The following UCHL5 variants were observed in gnomAD, a reference collection of about 807,000 sequenced individuals.
The protein encoded by UCHL5 is ubiquitin C-terminal hydrolase L5.
In UCHL5, 34 loss-of-function variants were observed where a neutral mutation model predicts 53.8. The ratio of observed to expected loss-of-function variants is 0.63; its 90% CI spans 0.48 to 0.84. The LOEUF (loss-of-function observed/expected upper bound fraction) is 0.84, where lower values mean the gene tolerates loss of function less well. Among genes scored for constraint, UCHL5 ranks in the 40% least tolerant of loss-of-function variants. The pLI is 0.00. For synonymous variants in UCHL5, 111 were observed against 126.3 expected (o/e 0.88, Z 0.81); for missense variants, 290 against 385.6 (o/e 0.75, Z 2.08).
intron 3 of UCHL5, among the ~76,000 whole-genome samples, chr1:193,039,565 A>G (rs1046464260): frequency 6.6e-6 from 1 of 152,338 alleles, no homozygotes; most frequent in East Asian, 1.9e-4. Context: ...TAAAATGACA[A>G]TTCTACTGAA....
intron 2 of UCHL5, among the ~76,000 whole-genome samples, chr1:193,050,620 C>A (rs1447673921): frequency 6.6e-6 from 1 of 152,070 alleles, no homozygotes; most frequent in Non-Finnish European, 1.5e-5. Context: ...GTGAAGCGTG[C>A]CTGTAATCCC....
chr1:193,042,936 G>A (rs1381468579), intron 3 of UCHL5, among the ~76,000 whole-genome samples: 1 of 151,884 alleles, frequency 6.6e-6, no homozygotes, highest in East Asian at 1.9e-4. Context: ...TCAAATGACT[G>A]AGTTTTGGCC....
intron 2 of UCHL5, among the ~76,000 whole-genome samples, 187 bp downstream of exon 2, chr1:193,051,567 T>C (rs940928667): frequency 6.6e-6 from 1 of 151,190 alleles, no homozygotes; most frequent in African/African-American, 2.4e-5. Flanking sequence ...AAGTTACCTA[T>C]CAGCCTCAGG....
At chr1:193,045,569 G>A (rs746331337) in intron 3 of UCHL5, among the ~76,000 whole-genome samples, 8 of 152,156 alleles carry the variant, frequency 5.3e-5, no homozygotes, top group African/African-American at 1.7e-4. Context: ...CCAAGAAGCC[G>A]AGCAGATGCC....
intron 3 of UCHL5, among the ~76,000 whole-genome samples, chr1:193,043,384 G>C (rs1571811657): frequency 6.6e-6 from 1 of 152,026 alleles, no homozygotes; most frequent in Non-Finnish European, 1.5e-5. Flanking sequence ...GAATGATCCT[G>C]AACCTCTCTC....
At chr1:193,044,669 C>T (rs977662919) in intron 3 of UCHL5, among the ~76,000 whole-genome samples, 1 of 152,000 alleles carries the variant, frequency 6.6e-6, no homozygotes, top group Non-Finnish European at 1.5e-5. Context: ...ATAACCTTAT[C>T]AAATAAATAT....
intron 3 of UCHL5, among the ~76,000 whole-genome samples, chr1:193,041,788 C>A (rs1175786955): frequency 7.9e-5 from 12 of 152,050 alleles, no homozygotes; most frequent in Non-Finnish European, 1.5e-4. Flanking sequence ...AATGAACTAT[C>A]ATAATAAACT....
intron 1 of UCHL5, among the ~76,000 whole-genome samples, chr1:193,058,683 A>C (rs549345747): frequency 2.0e-5 from 3 of 152,354 alleles, no homozygotes; most frequent in Non-Finnish European, 1.5e-5. Context: ...CTATTCACAC[A>C]TTCAAGGCGT....
intron 3 of UCHL5, among the ~76,000 whole-genome samples, chr1:193,045,226 T>A (rs1666969718): frequency 6.6e-6 from 1 of 152,122 alleles, no homozygotes; most frequent in Admixed American, 6.5e-5. Flanking sequence ...AAAAACAAAA[T>A]CCCTAACTCC....
intron 10 of UCHL5, among the ~76,000 whole-genome samples, chr1:193,017,393 C>T (rs1655229314): frequency 6.6e-6 from 1 of 151,578 alleles, no homozygotes; most frequent in Non-Finnish European, 1.5e-5. Flanking sequence ...TATTATTTAA[C>T]AGTATGATAA....
At chr1:193,059,942 T>C, upstream of UCHL5, 3 of 1,366,366 alleles carry the variant, frequency 2.2e-6, no homozygotes, top group Non-Finnish European at 2.9e-6. The surrounding 1 kb of genome is among the most constrained non-coding windows in gnomAD (Gnocchi z 4.9). Flanking sequence ...CTGTCCACCC[T>C]GGGTAACGGA....
Position 193,045,850 on chromosome 1 carries a change from A to G in UCHL5, c.246+3896T>C, listed in dbSNP as rs549490033. On this transcript the variant is annotated intron_variant, in intron 3 of 10. Transcript: ENST00000367454. ...TGGCATATATGCTTATATACATTGA[A>G]AAAATAAAAACATTTTTAAAAAGGA... Among the ~76,000 whole-genome samples the G allele has an allele frequency of 7.2e-5, 11 of 152,364 alleles. No homozygotes were observed. In the East Asian group the frequency reaches 2.1e-3, roughly 29 times the overall value.
At chr1:193,042,005 G>A (rs537477158) in intron 3 of UCHL5, among the ~76,000 whole-genome samples, 276 of 151,754 alleles carry the variant, frequency 1.8e-3, no homozygotes, top group African/African-American at 6.5e-3. Flanking sequence ...TGCATCTGTA[G>A]TCCCAGCTAC....
rs769696158 is a variant in UCHL5 at position 193,022,961 on chromosome 1, T to G, written c.808A>C (p.Ile270Leu). ...TTTAATTTCTGTACTTCTTCTTCAATAAGCATCTGATTTTTGGCAACTTCT... is the reference window on the plus strand; with the variant it reads ...TTTAATTTCTGTACTTCTTCTTCAAGAAGCATCTGATTTTTGGCAACTTCT... The part of the protein sequence containing the change: ...QSEVAKNQML[I>L]EEEVQKLKRY... The change falls in exon 9 of 11, where the codon ATT becomes CTT. Residue 270 changes from isoleucine to leucine, a missense_variant. By Grantham distance (5) the Ile-to-Leu change is conservative. Coordinates refer to ENST00000367454, the MANE Select transcript of UCHL5 (RefSeq NM_001199261.3). 6.2e-7 allele frequency: 1 copy of G among 1,613,042 alleles called. No homozygotes were observed.
intron 3 of UCHL5, among the ~76,000 whole-genome samples, chr1:193,040,714 T>A (rs1665262303): frequency 6.6e-6 from 1 of 152,076 alleles, no homozygotes; most frequent in Non-Finnish European, 1.5e-5. Flanking sequence ...ATGGCACTAT[T>A]AATAATAGCC....
At chr1:193,024,042 T>C (rs1389308616) in intron 7 of UCHL5, 96 bp from the exon 8 acceptor site, 1 of 905,424 alleles carries the variant, frequency 1.1e-6, no homozygotes, top group Non-Finnish European at 1.6e-6. Flanking sequence ...GATTTTCTAG[T>C]ATAAACAAAA....
chr1:193,029,334 AACTC>A, intron 5 of UCHL5, 25 bp from the exon 6 acceptor site: 1 of 1,613,058 alleles, frequency 6.2e-7, no homozygotes, highest in Non-Finnish European at 8.5e-7. Flanking sequence ...AAAATAGTGA[AACTC>A]AAAGAAGCAA....
At position 193,012,932 on chromosome 1, in the gene UCHL5, C is replaced by T. The variant is rs1414584397; in HGVS notation, c.*3419G>A. The T allele has an allele frequency of 6.6e-6, 1 of 152,114 alleles. No homozygotes were observed. The highest frequency in any genetic ancestry group is 1.5e-5 in the Non-Finnish European group (1 of 68,030). The allele number at this position is 152,114 out of a possible 1,614,324, so 9.4% of individuals were successfully genotyped here. ...GTATGCTAGAAGTGGTGAATCTTTA[C>T]CATGTCAGTCATTGGATTTAGGCCA... On this transcript the variant is annotated 3_prime_UTR_variant, in exon 11 of 11. Coordinates refer to ENST00000367454, the MANE Select transcript of UCHL5 (RefSeq NM_001199261.3).
intron 3 of UCHL5, 31 bp from the exon 4 acceptor site, chr1:193,029,688 T>C (rs762770711): frequency 1.3e-6 from 2 of 1,528,330 alleles, no homozygotes; most frequent in South Asian, 1.3e-5. Flanking sequence ...GATATCAATG[T>C]GTTTAAAAAA....
Sources: allele counts gnomAD v4.1 joint callset (sites outside exome capture counted in the v4.1 genomes callset), GRCh38; gene constraint gnomAD v4.1.1; non-coding constraint Gnocchi (gnomAD v3.1); transcripts MANE v1.5; gene names NCBI Gene and HGNC (gene_info 2026-07-23, HGNC 2026-07-21).